The following NPAS3 variants were observed in gnomAD, a reference collection of about 807,000 sequenced individuals.
NPAS3 encodes the protein neuronal PAS domain protein 3.
Under a neutral mutation model 73.1 loss-of-function variants are expected in NPAS3, and 14 were observed. The ratio of observed to expected loss-of-function variants is 0.19; its 90% CI spans 0.13 to 0.30. NPAS3 has a LOEUF of 0.30. Among genes scored for constraint, NPAS3 ranks in the 10% least tolerant of loss-of-function variants. The probability of loss-of-function intolerance (pLI) is 1.00; values close to 1 mark genes in which losing one functional copy is unlikely to be tolerated. For synonymous variants in NPAS3, 620 were observed against 541.5 expected (o/e 1.14, Z -2.01); for missense variants, 1,096 against 1,250.0 (o/e 0.88, Z 1.86).
chr14:33,024,579 G>C (rs994696206), intron 1 of NPAS3, among the ~76,000 whole-genome samples: 3 of 152,186 alleles, frequency 2.0e-5, no homozygotes, highest in African/African-American at 4.8e-5. Flanking sequence ...TGAAAATCAT[G>C]TTCTTGAGTA....
At chr14:33,134,877 A>T (rs6571582) in intron 2 of NPAS3, among the ~76,000 whole-genome samples, 2 of 151,702 alleles carry the variant, frequency 1.3e-5, no homozygotes, top group African/African-American at 2.4e-5. Context: ...TTTTTCTCAT[A>T]ATATGCTGGT....
chr14:33,503,915 TA>T, intron 4 of NPAS3, among the ~76,000 whole-genome samples: 1 of 152,156 alleles, frequency 6.6e-6, no homozygotes, highest in South Asian at 2.1e-4. Context: ...TGCTAAAAGC[TA>T]ATTGGTAGAA....
chr14:33,139,651 A>G (rs1440470710), intron 2 of NPAS3, among the ~76,000 whole-genome samples: 1 of 152,206 alleles, frequency 6.6e-6, no homozygotes, highest in Non-Finnish European at 1.5e-5. Context: ...GCTCCATACA[A>G]TACTGCACAG....
chr14:33,038,840 C>G (rs917701214), intron 1 of NPAS3, among the ~76,000 whole-genome samples: 1 of 152,140 alleles, frequency 6.6e-6, no homozygotes, highest in Non-Finnish European at 1.5e-5. Flanking sequence ...TATACAAGGT[C>G]ATTGTTGTAA....
chr14:33,683,747 A>C (rs1458004014), intron 6 of NPAS3, among the ~76,000 whole-genome samples: 1 of 152,236 alleles, frequency 6.6e-6, no homozygotes, highest in Admixed American at 6.5e-5. Flanking sequence ...TGCTTGGGGA[A>C]AATACTGGAA....
chr14:33,753,682 G>A (rs1234288762), intron 7 of NPAS3, among the ~76,000 whole-genome samples: 1 of 152,146 alleles, frequency 6.6e-6, no homozygotes, highest in Admixed American at 6.6e-5. Flanking sequence ...AAAATCTACA[G>A]GTTCCTTGAT....
intron 1 of NPAS3, among the ~76,000 whole-genome samples, chr14:32,980,297 G>A (rs891647183): frequency 5.9e-5 from 9 of 152,166 alleles, no homozygotes; most frequent in Admixed American, 2.0e-4. Flanking sequence ...TATTTTGGTC[G>A]GTTGTTCCCA....
chr14:33,120,911 A>G (rs2043209731), intron 2 of NPAS3, among the ~76,000 whole-genome samples: 1 of 152,124 alleles, frequency 6.6e-6, no homozygotes, highest in Non-Finnish European at 1.5e-5. Context: ...TGTATTTTTA[A>G]TTCACATGCG....
At chr14:33,572,751 G>A (rs767608219) in intron 5 of NPAS3, among the ~76,000 whole-genome samples, 11 of 152,236 alleles carry the variant, frequency 7.2e-5, no homozygotes, top group Admixed American at 1.3e-4. Context: ...TTGGCCAGGC[G>A]CAGTGGCACA....
chr14:33,054,606 T>G (rs571954546), intron 1 of NPAS3, among the ~76,000 whole-genome samples: 1 of 117,108 alleles, frequency 8.5e-6, no homozygotes, highest in African/African-American at 3.5e-5. Flanking sequence ...TAGAAAAAAC[T>G]TATCTGAGTT....
At chr14:33,462,510 G>T (rs963568311) in intron 4 of NPAS3, among the ~76,000 whole-genome samples, 1 of 152,130 alleles carries the variant, frequency 6.6e-6, no homozygotes, top group African/African-American at 2.4e-5. Flanking sequence ...CATAGACGGC[G>T]ACTGTTCTGT....
intron 2 of NPAS3, among the ~76,000 whole-genome samples, chr14:33,175,118 A>G (rs542909405): frequency 4.3e-4 from 66 of 152,336 alleles, no homozygotes; most frequent in African/African-American, 1.4e-3. Flanking sequence ...CCAGGAACCA[A>G]TGAAAAACTG....
intron 6 of NPAS3, among the ~76,000 whole-genome samples, chr14:33,681,782 A>C (rs922819348): frequency 3.3e-5 from 5 of 152,234 alleles, no homozygotes; most frequent in African/African-American, 1.2e-4. Flanking sequence ...CTCAAAATTC[A>C]CATGGTGAGT....
chr14:33,247,182 T>A (rs989935806), intron 3 of NPAS3, among the ~76,000 whole-genome samples: 1 of 152,000 alleles, frequency 6.6e-6, no homozygotes, highest in African/African-American at 2.4e-5. Context: ...ATATACATTC[T>A]AAAGTACTCT....
intron 3 of NPAS3, among the ~76,000 whole-genome samples, chr14:33,224,549 A>G (rs2139731425): frequency 6.6e-6 from 1 of 152,100 alleles, no homozygotes; most frequent in Non-Finnish European, 1.5e-5. Flanking sequence ...TTTTTGTTAA[A>G]AGACCAGATT....
chr14:33,490,530 A>G (rs1474576151), intron 4 of NPAS3, among the ~76,000 whole-genome samples: 1 of 152,138 alleles, frequency 6.6e-6, no homozygotes, highest in Non-Finnish European at 1.5e-5. Context: ...AGAGATGGTT[A>G]GATATTCCAT....
intron 4 of NPAS3, among the ~76,000 whole-genome samples, chr14:33,556,903 C>G (rs554347122): frequency 2.6e-5 from 4 of 152,270 alleles, no homozygotes; most frequent in East Asian, 3.9e-4. Flanking sequence ...TGTTGTTGCT[C>G]TAATTGACAA....
intron 10 of NPAS3, among the ~76,000 whole-genome samples, chr14:33,796,787 G>A (rs2063524574): frequency 6.6e-6 from 1 of 152,120 alleles, no homozygotes; most frequent in African/African-American, 2.4e-5. Context: ...TGCAAGTGAG[G>A]TTAGATCCCT....
At chr14:33,697,518 T>C (rs2060417029) in intron 6 of NPAS3, among the ~76,000 whole-genome samples, 1 of 152,178 alleles carries the variant, frequency 6.6e-6, no homozygotes, top group African/African-American at 2.4e-5. Flanking sequence ...ATGGCAGTGA[T>C]ACAAATAAGA....
Sources: allele counts gnomAD v4.1 joint callset (sites outside exome capture counted in the v4.1 genomes callset), GRCh38; gene constraint gnomAD v4.1.1; transcripts MANE v1.5; gene names NCBI Gene and HGNC (gene_info 2026-07-23, HGNC 2026-07-21).